CADPS2: variants seen among roughly 807,000 people sequenced by gnomAD.
CADPS2 encodes the protein calcium-dependent secretion activator 2.
In CADPS2, 93 loss-of-function variants were observed where a neutral mutation model predicts 172.5. The ratio of observed to expected loss-of-function variants is 0.54; its 90% confidence interval spans 0.46 to 0.64. The LOEUF (loss-of-function observed/expected upper bound fraction) is 0.64, where lower values mean the gene tolerates loss of function less well. Ranked by LOEUF, CADPS2 falls within the 30% of genes least tolerant of loss-of-function variation. The pLI is 0.00. For missense variants in CADPS2, 1,420 were observed against 1,565.9 expected (o/e 0.91, Z 1.57); for synonymous variants, 546 against 555.2 (o/e 0.98, Z 0.23).
At chr7:122,540,661 C>T (rs10235266) in intron 8 of CADPS2, among the ~76,000 whole-genome samples, 1,659 of 152,190 alleles carry the variant, frequency 0.011, 33 homozygotes, top group African/African-American at 0.037. Flanking sequence ...TTCTTCATAC[C>T]TCTTCCTGAC....
At chr7:122,698,085 G>GA (rs766371607) in intron 2 of CADPS2, 12 of 1,613,946 alleles carry the variant, frequency 7.4e-6, no homozygotes, top group Non-Finnish European at 1.0e-5. Context: ...AATTCTTGTG[G>GA]AAAAAATGTT....
intron 2 of CADPS2, chr7:122,702,985 A>C: frequency 2.2e-6 from 1 of 456,298 alleles, no homozygotes; most frequent in East Asian, 3.6e-5. Flanking sequence ...TTTCAAGAAA[A>C]TTATGACATC....
chr7:122,321,153 T>C lies in CADPS2; in HGVS notation c.3718-815A>G, dbSNP rs144247154. On this transcript the variant is annotated intron_variant, in intron 29 of 29. Coordinates refer to ENST00000449022, the MANE Select transcript of CADPS2 (RefSeq NM_017954.11). Reference sequence around the variant, plus strand: ...TATAATGTTTCCCTTATGTTTACATTGATTGATTGATTGACTGATTGATTG... The same window carrying C: ...TATAATGTTTCCCTTATGTTTACATCGATTGATTGATTGACTGATTGATTG... Among the ~76,000 whole-genome samples, 646 of 152,286 alleles carry C rather than the reference T, an allele frequency of 4.2e-3. 1 individual carries two copies. The highest frequency in any genetic ancestry group is 5.9e-3 in the Non-Finnish European group (403 of 68,028).
At chr7:122,855,035 T>G (rs1469349189) in intron 1 of CADPS2, among the ~76,000 whole-genome samples, 2 of 152,186 alleles carry the variant, frequency 1.3e-5, no homozygotes, top group Non-Finnish European at 2.9e-5. Context: ...CCTTTCTCCC[T>G]GGAGAGGAAG....
chr7:122,867,367 G>C (rs1424195989), intron 1 of CADPS2, among the ~76,000 whole-genome samples: 2 of 152,130 alleles, frequency 1.3e-5, no homozygotes, highest in African/African-American at 4.8e-5. Context: ...AGACTCCTGT[G>C]TACCAGACAA....
At chr7:122,630,365 T>A (rs1201215103) in intron 3 of CADPS2, among the ~76,000 whole-genome samples, 1 of 150,094 alleles carries the variant, frequency 6.7e-6, no homozygotes, top group Non-Finnish European at 1.5e-5. Context: ...TAAGGCAATT[T>A]ATATGAAGAG....
intron 28 of CADPS2, among the ~76,000 whole-genome samples, chr7:122,328,202 G>C (rs557226899): frequency 6.6e-6 from 1 of 151,298 alleles, no homozygotes; most frequent in African/African-American, 2.4e-5. Context: ...CCACCAGACA[G>C]AAACCTCTAG....
At chr7:122,704,312 G>A (rs1361990072) in intron 2 of CADPS2, among the ~76,000 whole-genome samples, 1 of 151,438 alleles carries the variant, frequency 6.6e-6, no homozygotes. Flanking sequence ...TTCTGTTGAA[G>A]CATGATTCAG....
intron 3 of CADPS2, among the ~76,000 whole-genome samples, chr7:122,637,668 C>T (rs760328641): frequency 5.9e-5 from 9 of 152,188 alleles, no homozygotes; most frequent in Non-Finnish European, 1.0e-4. Context: ...GTCCAGTAGT[C>T]ATTACAATCT....
intron 2 of CADPS2, among the ~76,000 whole-genome samples, chr7:122,676,198 T>A (rs1188723789): frequency 6.6e-6 from 1 of 152,166 alleles, no homozygotes; most frequent in Non-Finnish European, 1.5e-5. Flanking sequence ...GGTTCCTGAC[T>A]GATTAGTCTG....
chr7:122,839,882 A>G (rs1809868978), intron 1 of CADPS2, among the ~76,000 whole-genome samples: 1 of 152,230 alleles, frequency 6.6e-6, no homozygotes, highest in Non-Finnish European at 1.5e-5. Flanking sequence ...CAATTCCTCA[A>G]GGATCTAAAA....
intron 12 of CADPS2, chr7:122,480,109 G>A (rs2057112547): frequency 2.1e-6 from 1 of 471,576 alleles, no homozygotes; most frequent in East Asian, 7.0e-5. Flanking sequence ...TACATTTTAA[G>A]TGAAAAAATT....
intron 13 of CADPS2, among the ~76,000 whole-genome samples, chr7:122,472,811 C>A (rs530494633): frequency 4.5e-4 from 69 of 152,178 alleles, no homozygotes; most frequent in Admixed American, 1.7e-3. Flanking sequence ...ACTTAATAAA[C>A]AATCTATAAA....
intron 29 of CADPS2, among the ~76,000 whole-genome samples, chr7:122,324,963 G>T (rs2033507325): frequency 6.6e-6 from 1 of 152,034 alleles, no homozygotes; most frequent in Non-Finnish European, 1.5e-5. Flanking sequence ...GTAGTTTTGG[G>T]TGGTCTCCAA....
chr7:122,394,574 C>T (rs1038371039), intron 20 of CADPS2, among the ~76,000 whole-genome samples: 1 of 152,076 alleles, frequency 6.6e-6, no homozygotes, highest in African/African-American at 2.4e-5. Flanking sequence ...GAAGAACCTT[C>T]CATGGAAGAC....
rs564998503 is a variant in CADPS2 at position 122,620,898 on chromosome 7, A to G, written c.1104+583T>C. On this transcript the variant is annotated intron_variant, in intron 5 of 29. Transcript: ENST00000449022. The stretch of plus-strand genomic sequence containing the variant: ...GTGCGTTTTGATGCTTATTTTATCA[A>G]TGAATTTTTGTTATTGTTTTATTTT... Among the ~76,000 whole-genome samples the G allele has an allele frequency of 5.9e-5, 9 of 152,114 alleles. No homozygotes were observed. In the East Asian group the frequency reaches 1.7e-3, roughly 30 times the overall value.
intron 3 of CADPS2, among the ~76,000 whole-genome samples, chr7:122,659,725 G>C (rs182452524): frequency 6.6e-6 from 1 of 152,036 alleles, no homozygotes. Context: ...GCAGAAAAAT[G>C]AAAGAAGGAA....
chr7:122,734,387 G>GAAAAAAAAAAA (rs768675808), intron 2 of CADPS2, among the ~76,000 whole-genome samples: 3 of 90,800 alleles, frequency 3.3e-5, no homozygotes, highest in African/African-American at 8.0e-5. Context: ...AAAAAAAAAA[G>GAAAAAAAAAAA]AAAAAAAAAA....
chr7:122,807,826 T>C (rs1799120847), intron 1 of CADPS2, among the ~76,000 whole-genome samples: 1 of 152,180 alleles, frequency 6.6e-6, no homozygotes, highest in Non-Finnish European at 1.5e-5. Context: ...CTTAGAAGGA[T>C]ACCAGTAAGA....
Sources: allele counts gnomAD v4.1 joint callset (sites outside exome capture counted in the v4.1 genomes callset), GRCh38; gene constraint gnomAD v4.1.1; transcripts MANE v1.5; gene names NCBI Gene and HGNC (gene_info 2026-07-23, HGNC 2026-07-21).